The following VWA3B variants were observed in gnomAD, a reference collection of about 807,000 sequenced individuals.
VWA3B encodes von Willebrand factor A domain-containing protein 3B.
A neutral mutation model predicts 158.3 loss-of-function variants in VWA3B; 138 were observed. The ratio of observed to expected loss-of-function variants is 0.87; its 90% CI spans 0.76 to 1.00. The LOEUF is 1.00. VWA3B is among the 50% of genes least tolerant of loss of function. VWA3B has a pLI of 0.00. For missense variants in VWA3B, 1,555 were observed against 1,565.1 expected, an observed-to-expected ratio of 0.99 and a Z score of 0.11; for synonymous variants, 596 against 587.3, an observed-to-expected ratio of 1.01 and a Z score of -0.21.
intron 26 of VWA3B, among the ~76,000 whole-genome samples, chr2:98,310,125 A>AC (rs910734380): frequency 6.6e-6 from 1 of 151,456 alleles, no homozygotes; most frequent in Non-Finnish European, 1.5e-5. Flanking sequence ...AAAGTCTAAG[A>AC]CCCCCCACCG....
chr2:98,112,460 G>A (rs1481855059), intron 2 of VWA3B, among the ~76,000 whole-genome samples: 1 of 151,712 alleles, frequency 6.6e-6, no homozygotes, highest in East Asian at 1.9e-4. Flanking sequence ...CTTTAAATAT[G>A]TCAAGCCATT....
Position 98,187,658 on chromosome 2 carries a change from C to CTGTGTGTGTGTGTG in VWA3B, c.1312-312_1312-311insGTGTGTGTGTGTGT, listed in dbSNP as rs1389987333. 2.1e-3 allele frequency among the ~76,000 whole-genome samples: 233 copies of CTGTGTGTGTGTGTG among 109,902 alleles called. 1 individual carries two copies. Among genetic ancestry groups the CTGTGTGTGTGTGTG allele is most frequent in the African/African-American group, 8.3e-3 (221 of 26,682 alleles). 72.1% of individuals were successfully genotyped at this position (109,902 alleles called of 152,430 possible). ...TCTCTCTCCCTCTCCCTCTCCGTCT[C>CTGTGTGTGTGTGTG]TGTGTCTGTGTGTGTGTGTGTGTGT... On this transcript the variant is annotated intron_variant, in intron 9 of 27. Coordinates refer to ENST00000477737, the MANE Select transcript of VWA3B (RefSeq NM_144992.5).
intron 7 of VWA3B, among the ~76,000 whole-genome samples, chr2:98,153,762 C>T (rs114607054): frequency 0.026 from 3,990 of 152,330 alleles, 79 homozygotes; most frequent in Non-Finnish European, 0.04. Flanking sequence ...AGCGGCTGTG[C>T]ATCCAAAATT....
At chr2:98,115,215 G>A (rs552880541) in intron 2 of VWA3B, among the ~76,000 whole-genome samples, 18 of 151,054 alleles carry the variant, frequency 1.2e-4, no homozygotes, top group Non-Finnish European at 1.5e-4. Flanking sequence ...TTACAATGCC[G>A]TTCTCACTCA....
rs576350541 is a variant in VWA3B, at chr2:98,236,292, C to G, written c.2429-98C>G. ...CTGAAATGTGGTCCATTTATTAGCTCTCAGTCACAGCTGGACTGAGACAAG... is the reference window on the plus strand; with the variant it reads ...CTGAAATGTGGTCCATTTATTAGCTGTCAGTCACAGCTGGACTGAGACAAG... On this transcript the variant is annotated intron_variant, in intron 17 of 27. Coordinates refer to ENST00000477737, the MANE Select transcript of VWA3B (RefSeq NM_144992.5). The G allele has an allele frequency of 6.3e-5, 81 of 1,292,700 alleles. 2 individuals carry two copies. In the South Asian group the frequency reaches 1.0e-3, roughly 16 times the overall value. 80.1% of individuals were successfully genotyped at this position (1,292,700 alleles called of 1,614,324 possible).
At chr2:98,221,225 C>A (rs916041492) in intron 14 of VWA3B, among the ~76,000 whole-genome samples, 1 of 152,098 alleles carries the variant, frequency 6.6e-6, no homozygotes, top group Non-Finnish European at 1.5e-5. Context: ...ATTCGTATAT[C>A]CCAGACAGGG....
chr2:98,320,289 T>C, the VWA3B span, among the ~76,000 whole-genome samples: 9 of 152,336 alleles, frequency 5.9e-5, no homozygotes, highest in African/African-American at 2.2e-4. Flanking sequence ...TATGTGGAAC[T>C]GTGAGTCCAT....
At chr2:98,143,855 A>G (rs1676972670) in intron 7 of VWA3B, among the ~76,000 whole-genome samples, 1 of 150,738 alleles carries the variant, frequency 6.6e-6, no homozygotes, top group Non-Finnish European at 1.5e-5. Flanking sequence ...TGCTCAAGCA[A>G]TCCTCCCCTC....
chr2:98,252,822 A>G (rs775430137), intron 20 of VWA3B, among the ~76,000 whole-genome samples: 2 of 152,172 alleles, frequency 1.3e-5, no homozygotes, highest in Non-Finnish European at 2.9e-5. Context: ...AAACAAACAT[A>G]GTAAGTCATT....
At chr2:98,250,564 G>A (rs1686737717) in intron 20 of VWA3B, 128 bp downstream of exon 20, 1 of 751,542 alleles carries the variant, frequency 1.3e-6, no homozygotes, top group African/African-American at 1.8e-5. Context: ...TGTTCAGGCT[G>A]GGTGTGGTAG....
At chr2:98,313,750 T>C (rs957934578), downstream of VWA3B, among the ~76,000 whole-genome samples, 1 of 152,178 alleles carries the variant, frequency 6.6e-6, no homozygotes, top group African/African-American at 2.4e-5. Flanking sequence ...CACTTTCTCA[T>C]TGGAACAATC....
At chr2:98,282,487 G>A (rs1240463795) in intron 22 of VWA3B, among the ~76,000 whole-genome samples, 2 of 148,736 alleles carry the variant, frequency 1.3e-5, no homozygotes, top group African/African-American at 2.5e-5. Context: ...ACCCAGGCTG[G>A]AGTGCAGTGG....
At chr2:98,103,150 A>G (rs1434084524) in intron 2 of VWA3B, among the ~76,000 whole-genome samples, 1 of 151,870 alleles carries the variant, frequency 6.6e-6, no homozygotes, top group African/African-American at 2.4e-5. Context: ...TACCTTTTTC[A>G]TTCCTGATAT....
intron 21 of VWA3B, among the ~76,000 whole-genome samples, chr2:98,265,992 G>A (rs1185613294): frequency 2.8e-5 from 4 of 142,576 alleles, no homozygotes; most frequent in African/African-American, 7.8e-5. Context: ...CATTTTGTAG[G>A]TTGCCTGTTC....
chr2:98,263,903 T>A (rs1342036367), intron 21 of VWA3B, among the ~76,000 whole-genome samples: 1 of 152,042 alleles, frequency 6.6e-6, no homozygotes, highest in Non-Finnish European at 1.5e-5. Flanking sequence ...GATTATTGAT[T>A]TGATCTCCTT....
chr2:98,223,263 G>A (rs1256272366), intron 14 of VWA3B, among the ~76,000 whole-genome samples: 3 of 116,884 alleles, frequency 2.6e-5, no homozygotes, highest in Non-Finnish European at 3.6e-5. Flanking sequence ...CTTAAGGTCA[G>A]AACAACAAAA....
intron 13 of VWA3B, among the ~76,000 whole-genome samples, chr2:98,217,329 A>G (rs1206255028): frequency 2.0e-5 from 3 of 152,080 alleles, no homozygotes; most frequent in Non-Finnish European, 4.4e-5. Context: ...GCTCCTGTGT[A>G]CAGTGAAGAA....
At chr2:98,255,432 C>T (rs972581855) in intron 20 of VWA3B, among the ~76,000 whole-genome samples, 2 of 144,414 alleles carry the variant, frequency 1.4e-5, no homozygotes, top group African/African-American at 4.9e-5. Flanking sequence ...GATGTCCTGA[C>T]ATGATGACAC....
chr2:98,246,995 T>C (rs1423972112), intron 19 of VWA3B, among the ~76,000 whole-genome samples: 2 of 152,078 alleles, frequency 1.3e-5, no homozygotes, highest in Non-Finnish European at 2.9e-5. Flanking sequence ...AAAGTTTTAA[T>C]GTAATGACAA....
Sources: gnomAD v4.1 joint callset for allele counts (sites outside exome capture counted in the v4.1 genomes callset) on GRCh38, gnomAD v4.1.1 for gene constraint, MANE v1.5 for transcripts, NCBI Gene and HGNC (gene_info 2026-07-23, HGNC 2026-07-21) for gene names.